HMCN2: variants seen among roughly 807,000 people sequenced by gnomAD.
The protein encoded by HMCN2 is hemicentin 2.
HMCN2 carries 325 observed loss-of-function variants against 377.5 expected under a neutral mutation model. That is an observed-to-expected ratio of 0.86 (90% CI 0.79 to 0.94). HMCN2 has a LOEUF of 0.94. Ranked by LOEUF, HMCN2 falls within the 40% of genes least tolerant of loss-of-function variation. HMCN2 has a pLI of 0.00. For missense variants in HMCN2, 4,543 were observed against 4,725.3 expected (o/e 0.96, Z 1.13); for synonymous variants, 2,007 against 2,046.8 (o/e 0.98, Z 0.53).
At chr9:130,313,889 C>T (rs1334462152) in intron 15 of HMCN2, among the ~76,000 whole-genome samples, 1 of 147,896 alleles carries the variant, frequency 6.8e-6, no homozygotes. Context: ...AAGTGATCCT[C>T]TTGCCTCAGC....
At position 130,427,177 on chromosome 9, in the gene HMCN2, T is replaced by A; in HGVS notation, c.13880-136T>A. Reference sequence around the variant, plus strand: ...AACAGGCCTGGGCAGGAAATGGGCTTGCTGACTCTCTGGCACCGTCTTGGC... The same window carrying A: ...AACAGGCCTGGGCAGGAAATGGGCTAGCTGACTCTCTGGCACCGTCTTGGC... On this transcript the variant is annotated intron_variant, in intron 90 of 97. Coordinates refer to ENST00000683500, the MANE Select transcript of HMCN2 (RefSeq NM_001291815.2). 4.5e-6 allele frequency: 4 copies of A among 884,392 alleles called. No homozygotes were observed. The South Asian group carries it at 4.8e-5, about 11-fold the overall frequency. 54.8% of individuals were successfully genotyped at this position (884,392 alleles called of 1,614,324 possible).
chr9:130,403,111 C>G, intron 78 of HMCN2, 83 bp from the exon 79 acceptor site: 1 of 1,205,708 alleles, frequency 8.3e-7, no homozygotes, highest in East Asian at 5.8e-5. Context: ...AGAGGCCTCT[C>G]TCTCTGATGC....
rs889749675 is a variant in HMCN2 at position 130,391,969 on chromosome 9, G to A, written c.9987G>A (p.Ser3329=). Residue 3329 remains serine, a synonymous_variant, in exon 66 of 98, where the codon TCG becomes TCA. Coordinates refer to ENST00000683500, the MANE Select transcript of HMCN2 (RefSeq NM_001291815.2). The part of the protein sequence containing the change: ...PPTIKQGADG[S]GTLVSRPGEL... ...CCATCAAGCAGGGAGCAGACGGCTC[G>A]GGGACCCTGGTGAGCAGGCCTGGGG... 15 of 988,138 alleles carry A rather than the reference G, an allele frequency of 1.5e-5. No individual in the cohort carries two copies. The East Asian group carries it at 3.4e-4, about 22-fold the overall frequency. 61.2% of individuals were successfully genotyped at this position (988,138 alleles called of 1,614,324 possible).
In HMCN2 at chr9:130,422,761, T is replaced by G. The variant is rs1588438139; in HGVS notation, c.13381+35T>G. The G allele has an allele frequency of 7.9e-7, 1 of 1,260,746 alleles. No homozygotes were observed. Among genetic ancestry groups the G allele is most frequent in the East Asian group, 3.1e-5 (1 of 31,746 alleles). The allele number at this position is 1,260,746 out of a possible 1,614,324, so 78.1% of individuals were successfully genotyped here. ...AGGCAGAGCATCACCTGCCTCTGGG[T>G]TATTGTCACAGCCCAGCGAGCATCC... On this transcript the variant is annotated intron_variant, in intron 87 of 97. Coordinates refer to ENST00000683500, the MANE Select transcript of HMCN2 (RefSeq NM_001291815.2). The surrounding 1 kb of genome is among the most constrained non-coding windows in gnomAD (Gnocchi z 4.2).
chr9:130,272,469 G>A (rs1199980056), intron 1 of HMCN2, among the ~76,000 whole-genome samples: 6 of 124,560 alleles, frequency 4.8e-5, no homozygotes, highest in Admixed American at 2.3e-4. Flanking sequence ...TTGAACTCCT[G>A]ACCTCAAAGG....
chr9:130,328,371 C>T (rs1325793490), intron 22 of HMCN2, among the ~76,000 whole-genome samples: 1 of 152,130 alleles, frequency 6.6e-6, no homozygotes, highest in Admixed American at 6.5e-5. Context: ...CCGGTCCTAG[C>T]TCCGCGGCTG....
chr9:130,432,745 C>T, intron 97 of HMCN2, 190 bp downstream of exon 97: 1 of 619,918 alleles, frequency 1.6e-6, no homozygotes, highest in African/African-American at 1.8e-5. Flanking sequence ...CACCAAACCC[C>T]AGACACAGGA....
chr9:130,348,539 C>T lies in HMCN2; in HGVS notation c.4025-6C>T, dbSNP rs1401812271. The T allele has an allele frequency of 4.6e-6, 6 of 1,303,610 alleles. No individual in the cohort carries two copies. In the Admixed American group the frequency reaches 1.4e-4, roughly 30 times the overall value. 80.8% of individuals were successfully genotyped at this position (1,303,610 alleles called of 1,614,324 possible). ...AAGCAGCTCCTCGGCTCTCCTTGCCCCCAAGTGCCCCCCAGCATCCGGGAG... is the reference window on the plus strand; with the variant it reads ...AAGCAGCTCCTCGGCTCTCCTTGCCTCCAAGTGCCCCCCAGCATCCGGGAG... On this transcript the variant is annotated splice_polypyrimidine_tract_variant and splice_region_variant and intron_variant, in intron 26 of 97. Transcript: ENST00000683500.
intron 1 of HMCN2, among the ~76,000 whole-genome samples, chr9:130,271,393 C>T (rs1554921102): frequency 6.7e-6 from 1 of 148,748 alleles, no homozygotes; most frequent in African/African-American, 2.4e-5. Flanking sequence ...GTTGTCTCTT[C>T]TGCTCCATTT....
intron 97 of HMCN2, chr9:130,432,837 G>A (rs1223755503): frequency 8.0e-6 from 4 of 498,032 alleles, no homozygotes; most frequent in Non-Finnish European, 1.4e-5. Flanking sequence ...CACTCACAGC[G>A]GCCACGGACA....
At chr9:130,402,991 C>T (rs1481605583) in intron 78 of HMCN2, 95 bp downstream of exon 78, 5 of 1,066,122 alleles carry the variant, frequency 4.7e-6, no homozygotes, top group East Asian at 6.1e-5. Flanking sequence ...GGTGAGGCCC[C>T]GGGTCTCAGA....
rs1837625404 is a variant in HMCN2 at position 130,317,501 on chromosome 9, C to CAA, written c.2351-1994_2351-1993insAA. 3.3e-3 allele frequency among the ~76,000 whole-genome samples: 347 copies of CAA among 106,632 alleles called. 1 individual carries two copies. Among genetic ancestry groups the CAA allele is most frequent in the African/African-American group, 0.01 (331 of 32,608 alleles). The allele number at this position is 106,632 out of a possible 152,430, so 70.0% of individuals were successfully genotyped here. A position where few individuals can be genotyped will look rare whatever the true frequency, so the allele number is the denominator to read the frequency against. On this transcript the variant is annotated intron_variant, in intron 15 of 97. Coordinates refer to ENST00000683500, the MANE Select transcript of HMCN2 (RefSeq NM_001291815.2). Reference sequence around the variant, plus strand: ...TCTCTCTCTCTCTCTCTCTCTCTCTCTCTCTTTTTTGTAGACAGAGTCTTG... The same window carrying CAA: ...TCTCTCTCTCTCTCTCTCTCTCTCTCAATCTCTTTTTTGTAGACAGAGTCTTG...
chr9:130,355,073 G>T, intron 32 of HMCN2, 29 bp downstream of exon 32: 3 of 1,245,152 alleles, frequency 2.4e-6, no homozygotes, highest in Non-Finnish European at 3.1e-6. Flanking sequence ...ACTCAGAGCT[G>T]CCTGGGCTGT....
chr9:130,281,889 CAA>C (rs782176109), intron 1 of HMCN2, among the ~76,000 whole-genome samples: 15 of 58,880 alleles, frequency 2.5e-4, no homozygotes, highest in Admixed American at 1.9e-4. Context: ...GACTCCATCT[CAA>C]AAAAAAAAAA....
rs1842529341 is a variant in HMCN2, at chr9:130,394,976, AG to A, written c.10693-49del. The A allele has an allele frequency of 8.7e-7, 1 of 1,148,658 alleles. No homozygotes were observed. The highest frequency in any genetic ancestry group is 1.3e-5 in the South Asian group (1 of 74,726). 71.2% of individuals were successfully genotyped at this position (1,148,658 alleles called of 1,614,324 possible). ...TGCATGAGAAAGAAACCAGATTGGGAGGCGGGCAGAGAGGGGCCAGGGGCAG... is the reference window on the plus strand; with the variant it reads ...TGCATGAGAAAGAAACCAGATTGGGAGCGGGCAGAGAGGGGCCAGGGGCAG... On this transcript the variant is annotated intron_variant, in intron 69 of 97. Transcript: ENST00000683500. This position sits in a 1 kb window ranked among gnomAD's most constrained non-coding sequence, Gnocchi z 5.1.
At chr9:130,390,132 A>G (rs940664376) in intron 62 of HMCN2, among the ~76,000 whole-genome samples, 1 of 152,142 alleles carries the variant, frequency 6.6e-6, no homozygotes, top group Non-Finnish European at 1.5e-5. Context: ...CTCTTGGCAC[A>G]TGTGTTCCCT....
chr9:130,420,197 C>T (rs949629941), intron 86 of HMCN2, among the ~76,000 whole-genome samples: 1 of 151,696 alleles, frequency 6.6e-6, no homozygotes, highest in Non-Finnish European at 1.5e-5. Flanking sequence ...GCCTCAGCCT[C>T]CCAAGTAGCT....
chr9:130,344,876 G>T (rs899834796), intron 25 of HMCN2, among the ~76,000 whole-genome samples: 1 of 147,922 alleles, frequency 6.8e-6, no homozygotes, highest in African/African-American at 2.5e-5. Context: ...TGTGTGGTGT[G>T]TGTATGGTGT....
intron 8 of HMCN2, among the ~76,000 whole-genome samples, chr9:130,300,827 G>A (rs782178626): frequency 2.0e-5 from 3 of 152,212 alleles, no homozygotes; most frequent in Non-Finnish European, 4.4e-5. Context: ...CAGGGAGAAG[G>A]GTGGATCTTT....
Sources: gnomAD v4.1 joint callset for allele counts (sites outside exome capture counted in the v4.1 genomes callset) on GRCh38, gnomAD v4.1.1 for gene constraint, Gnocchi (gnomAD v3.1) non-coding constraint, MANE v1.5 for transcripts, NCBI Gene and HGNC (gene_info 2026-07-23, HGNC 2026-07-21) for gene names.